PRRG1: variants seen among roughly 807,000 people sequenced by gnomAD.
The protein encoded by PRRG1 is proline rich and Gla domain 1.
In PRRG1, 5 loss-of-function variants were observed where a neutral mutation model predicts 11.8. The ratio of observed to expected loss-of-function variants is 0.42; its 90% confidence interval spans 0.22 to 0.89. The LOEUF (loss-of-function observed/expected upper bound fraction) is 0.89, where lower values mean the gene tolerates loss of function less well. Ranked by LOEUF, PRRG1 falls within the 40% of genes least tolerant of loss-of-function variation. The probability of loss-of-function intolerance (pLI) is 0.28; values close to 1 mark genes in which losing one functional copy is unlikely to be tolerated. For missense variants in PRRG1, 155 were observed against 166.1 expected, an observed-to-expected ratio of 0.93 and a Z score of 0.37; for synonymous variants, 66 against 60.4, an observed-to-expected ratio of 1.09 and a Z score of -0.43.
chrX:37,449,897 A>G (rs1215301159), intron 3 of PRRG1, among the ~76,000 whole-genome samples: 1 of 112,683 alleles, frequency 8.9e-6, no homozygotes, highest in African/African-American at 3.2e-5. Flanking sequence ...AAAGAACTGT[A>G]TAAATAGCTT....
At chrX:37,426,182 G>C (rs1323680500) in intron 3 of PRRG1, among the ~76,000 whole-genome samples, 182 bp downstream of exon 3, 1 of 111,453 alleles carries the variant, frequency 9.0e-6, no homozygotes, top group Admixed American at 9.6e-5. Flanking sequence ...ACTTCCCCTT[G>C]TGCTGGACTG....
At chrX:37,397,205 C>A (rs1258089741) in intron 1 of PRRG1, among the ~76,000 whole-genome samples, 7 of 112,115 alleles carry the variant, frequency 6.2e-5, no homozygotes, top group African/African-American at 2.3e-4. Flanking sequence ...ACATGACAAA[C>A]CCATGTTTTT....
At chrX:37,398,929 GAA>G (rs1350405884) in intron 1 of PRRG1, among the ~76,000 whole-genome samples, 2 of 110,916 alleles carry the variant, frequency 1.8e-5, no homozygotes, top group Non-Finnish European at 3.8e-5. Context: ...GAAGTTTAGA[GAA>G]AAAAGAATAA....
At position 37,350,816 on chromosome X, in the gene PRRG1, C is replaced by G. The variant is rs1233793949; in HGVS notation, c.-42+1421C>G. On this transcript the variant is annotated intron_variant, in intron 1 of 3. Coordinates refer to ENST00000378628, the MANE Select transcript of PRRG1 (RefSeq NM_001142395.2). ...ACACAATTACCCCGCCCAACCCCCA[C>G]CCCTGCACCAACCCCAGGCATGAGG... Among the ~76,000 whole-genome samples the G allele has an allele frequency of 2.7e-5, 3 of 111,019 alleles. No homozygotes were observed. The South Asian group carries it at 1.2e-3, about 43-fold the overall frequency.
At chrX:37,427,400 C>T (rs1253864477) in intron 3 of PRRG1, among the ~76,000 whole-genome samples, 3 of 111,903 alleles carry the variant, frequency 2.7e-5, no homozygotes, top group African/African-American at 6.5e-5. Context: ...ACAAACATAT[C>T]CATCACCTCC....
chrX:37,385,598 A>G (rs1195702753), intron 1 of PRRG1, among the ~76,000 whole-genome samples: 2 of 110,866 alleles, frequency 1.8e-5, no homozygotes, highest in Non-Finnish European at 3.8e-5. Context: ...CATGTAATAA[A>G]CATTTGTTAT....
rs1932186524 is a variant in PRRG1, at chrX:37,406,258, G to A, written c.9G>A (p.Arg3=). The change falls in exon 2 of 4, where the codon AGG becomes AGA. Residue 3 remains arginine (R), a splice_region_variant and synonymous_variant. Transcript: ENST00000378628. The stretch of plus-strand genomic sequence containing the variant: ...AGAAACCACAAGAAAACATGGGGAG[G>A]GGTAAGTTTCTCTTCCTTTTTAAGT... The part of the protein sequence containing the change: MG[R]VFLTGEKANS... 2 of 1,206,545 alleles carry A rather than the reference G, an allele frequency of 1.7e-6. No individual in the cohort carries two copies. Among genetic ancestry groups the A allele is most frequent in the Non-Finnish European group, 2.2e-6 (2 of 891,323 alleles).
At chrX:37,401,436 C>A (rs1294061803) in intron 1 of PRRG1, among the ~76,000 whole-genome samples, 30 of 110,859 alleles carry the variant, frequency 2.7e-4, no homozygotes, top group African/African-American at 9.2e-4. Context: ...ATTCAACAAC[C>A]CTTCATGCTA....
rs1230470183 is a variant in PRRG1, at chrX:37,455,924, G to T, written c.*2303G>T. The T allele has an allele frequency of 2.7e-5, 3 of 111,852 alleles. No homozygotes were observed. The highest frequency in any genetic ancestry group is 3.8e-5 in the Non-Finnish European group (2 of 53,175). The allele number at this position is 111,852 out of a possible 1,213,427, so 9.2% of individuals were successfully genotyped here. ...TGGCCAATGGACCCCTGGGTTCCTT[G>T]AGAGCCTTTCAGGGGGGACTATGAG... On this transcript the variant is annotated 3_prime_UTR_variant, in exon 4 of 4. Transcript: ENST00000378628.
At chrX:37,394,731 C>T (rs1931658387) in intron 1 of PRRG1, among the ~76,000 whole-genome samples, 1 of 110,254 alleles carries the variant, frequency 9.1e-6, no homozygotes, top group South Asian at 4.0e-4. Context: ...GAAAGAGGGG[C>T]AAGTACATTT....
At chrX:37,398,210 C>T (rs1356727453) in intron 1 of PRRG1, among the ~76,000 whole-genome samples, 11 of 111,564 alleles carry the variant, frequency 9.9e-5, no homozygotes, top group African/African-American at 3.6e-4. Flanking sequence ...CCCCGAGCAG[C>T]CTAACTGGGA....
At position 37,378,425 on chromosome X, in the gene PRRG1, G is replaced by T. The variant is rs5964292; in HGVS notation, c.-41-27784G>T. Among the ~76,000 whole-genome samples the T allele has an allele frequency of 2.3e-3, 260 of 112,023 alleles. 2 individuals carry two copies. The highest frequency in any genetic ancestry group is 8.1e-3 in the African/African-American group (250 of 30,923). On this transcript the variant is annotated intron_variant, in intron 1 of 3. Coordinates refer to ENST00000378628, the MANE Select transcript of PRRG1 (RefSeq NM_001142395.2). ...TGCTTATATGAAGTTTGGTGAAATG[G>T]TTAGCCAAAGAGAATTTTCTCCTCA... is the stretch of plus-strand genomic sequence containing the variant.
intron 1 of PRRG1, among the ~76,000 whole-genome samples, chrX:37,391,983 T>C (rs1403971028): frequency 9.0e-6 from 1 of 110,895 alleles, no homozygotes; most frequent in African/African-American, 3.3e-5. Flanking sequence ...CTGGGCTTCC[T>C]TGTTTTTTTT....
chrX:37,447,511 T>C (rs782135775), intron 3 of PRRG1, among the ~76,000 whole-genome samples: 3 of 112,694 alleles, frequency 2.7e-5, no homozygotes, highest in Non-Finnish European at 5.6e-5. Context: ...CAAGTTTAGC[T>C]CAATTATTGA....
chrX:37,364,485 T>C (rs1352206035), intron 1 of PRRG1, among the ~76,000 whole-genome samples: 2 of 112,398 alleles, frequency 1.8e-5, no homozygotes, highest in African/African-American at 3.2e-5. Context: ...ACTCTAGGTT[T>C]AGATATCCCA....
intron 1 of PRRG1, among the ~76,000 whole-genome samples, chrX:37,355,973 G>T (rs1162252906): frequency 8.9e-6 from 1 of 112,044 alleles, no homozygotes; most frequent in Non-Finnish European, 1.9e-5. Flanking sequence ...AGTTTCATAT[G>T]ATTTTCATTC....
At chrX:37,423,315 T>G (rs1404089189) in intron 2 of PRRG1, among the ~76,000 whole-genome samples, 1 of 110,040 alleles carries the variant, frequency 9.1e-6, no homozygotes, top group Non-Finnish European at 1.9e-5. Context: ...GGAAAAAGGC[T>G]TATAGAATAA....
chrX:37,423,255 T>A (rs781937293), intron 2 of PRRG1, among the ~76,000 whole-genome samples: 1 of 110,770 alleles, frequency 9.0e-6, no homozygotes, highest in Admixed American at 9.6e-5. Flanking sequence ...AAAAGTTAAA[T>A]TTTAACAAAA....
chrX:37,367,853 C>A (rs1409679649), intron 1 of PRRG1, among the ~76,000 whole-genome samples: 6 of 112,362 alleles, frequency 5.3e-5, no homozygotes, highest in Non-Finnish European at 1.1e-4. Flanking sequence ...GTATAGAAAG[C>A]CTATGTCTGA....
Sources: allele counts gnomAD v4.1 joint callset (sites outside exome capture counted in the v4.1 genomes callset), GRCh38; gene constraint gnomAD v4.1.1; transcripts MANE v1.5; gene names NCBI Gene and HGNC (gene_info 2026-07-23, HGNC 2026-07-21).